Variants in AGBL4 observed in about 807,000 individuals in gnomAD.
AGBL4 encodes cytosolic carboxypeptidase 6.
A neutral mutation model predicts 66.4 loss-of-function variants in AGBL4; 58 were observed. The ratio of observed to expected loss-of-function variants is 0.87; its 90% CI spans 0.71 to 1.09. The LOEUF (loss-of-function observed/expected upper bound fraction) is 1.09. Among genes scored for constraint, AGBL4 ranks in the 50% least tolerant of loss-of-function variants. The probability of loss-of-function intolerance (pLI) is 0.00; values close to 1 mark genes in which losing one functional copy is unlikely to be tolerated. For missense variants in AGBL4, 579 were observed against 631.0 expected, an observed-to-expected ratio of 0.92 and a Z score of 0.88; for synonymous variants, 234 against 222.9, an observed-to-expected ratio of 1.05 and a Z score of -0.44.
chr1:48,677,697 AT>A (rs1465420347), intron 6 of AGBL4, among the ~76,000 whole-genome samples: 24 of 152,230 alleles, frequency 1.6e-4, no homozygotes, highest in African/African-American at 5.5e-4. Context: ...TGCCTCACTT[AT>A]CCAGAGCTTC....
At chr1:48,794,492 C>T (rs996479474) in intron 6 of AGBL4, among the ~76,000 whole-genome samples, 1 of 152,158 alleles carries the variant, frequency 6.6e-6, no homozygotes, top group South Asian at 2.1e-4. Flanking sequence ...CACTCACCTC[C>T]CATTCACTCC....
At chr1:49,737,129 T>C (rs952470504) in intron 2 of AGBL4, among the ~76,000 whole-genome samples, 6 of 152,150 alleles carry the variant, frequency 3.9e-5, no homozygotes, top group Non-Finnish European at 7.3e-5. Context: ...GTCTGGAGAT[T>C]TCTCAAAGAA....
intron 2 of AGBL4, among the ~76,000 whole-genome samples, chr1:49,728,054 GT>G (rs776408859): frequency 5.3e-4 from 81 of 152,050 alleles, no homozygotes; most frequent in Non-Finnish European, 9.7e-4. Context: ...AAACTTAAGG[GT>G]TTTATTAGCC....
chr1:49,815,568 T>C (rs77002144), intron 2 of AGBL4, among the ~76,000 whole-genome samples: 3,990 of 152,236 alleles, frequency 0.026, 72 homozygotes, highest in Non-Finnish European at 0.042. Context: ...GGTAGCTCTA[T>C]TTTCATTAAC....
chr1:48,934,727 C>G lies in AGBL4; in HGVS notation c.595-67497G>C, dbSNP rs190208302. The stretch of plus-strand genomic sequence containing the variant: ...CCCTACAACCAGTCTCCATAGAATC[C>G]TTCAGACCATTCCCCTCCTTTCTAT... On this transcript the variant is annotated intron_variant, in intron 5 of 13. Transcript: ENST00000371839. Among the ~76,000 whole-genome samples the G allele has an allele frequency of 5.2e-3, 794 of 152,274 alleles. 8 individuals are homozygous for G. Among genetic ancestry groups the G allele is most frequent in the Non-Finnish European group, 6.5e-3 (440 of 68,024 alleles).
At chr1:49,756,356 T>C (rs912329537) in intron 2 of AGBL4, among the ~76,000 whole-genome samples, 23 of 152,022 alleles carry the variant, frequency 1.5e-4, no homozygotes, top group East Asian at 7.7e-4. Context: ...GGGCTCCAGA[T>C]TGAAAATCAG....
intron 3 of AGBL4, among the ~76,000 whole-genome samples, chr1:49,615,692 A>C (rs2124263781): frequency 6.6e-6 from 1 of 152,266 alleles, no homozygotes; most frequent in African/African-American, 2.4e-5. Context: ...CACAATTCAA[A>C]AGGAAAGGGC....
chr1:48,740,779 A>G (rs1649796024), intron 6 of AGBL4, among the ~76,000 whole-genome samples: 1 of 152,180 alleles, frequency 6.6e-6, no homozygotes, highest in South Asian at 2.1e-4. Flanking sequence ...AAGACAGCAG[A>G]GCCAAGAACA....
chr1:49,750,685 G>A (rs188626553), intron 2 of AGBL4, among the ~76,000 whole-genome samples: 16 of 152,266 alleles, frequency 1.1e-4, no homozygotes, highest in African/African-American at 2.2e-4. Context: ...TGGGCAGTAC[G>A]GCCATTTTCA....
At chr1:49,521,144 T>C (rs573171643) in intron 3 of AGBL4, among the ~76,000 whole-genome samples, 3 of 152,184 alleles carry the variant, frequency 2.0e-5, no homozygotes, top group African/African-American at 7.2e-5. Context: ...AACGTACATT[T>C]ATACAGTACA....
rs546678427 is a variant in AGBL4 at position 49,145,581 on chromosome 1, T to C, written c.378-99781A>G. 2.6e-5 allele frequency among the ~76,000 whole-genome samples: 4 copies of C among 152,266 alleles called. No individual in the cohort carries two copies. In the South Asian group the frequency reaches 8.3e-4, roughly 32 times the overall value. ...AAGAAAGCAAAACACAGTTTGAGAA[T>C]TTGGTCTCAGGTAACAAAGCTATAG... On this transcript the variant is annotated intron_variant, in intron 4 of 13. Coordinates refer to ENST00000371839, the MANE Select transcript of AGBL4 (RefSeq NM_032785.4).
At chr1:48,843,019 A>G (rs1255079341) in intron 6 of AGBL4, among the ~76,000 whole-genome samples, 1 of 152,062 alleles carries the variant, frequency 6.6e-6, no homozygotes, top group Non-Finnish European at 1.5e-5. Context: ...GAGCTGGGGG[A>G]AGGGGAAAAA....
intron 5 of AGBL4, among the ~76,000 whole-genome samples, chr1:48,868,448 A>T (rs1648325651): frequency 6.6e-6 from 1 of 152,198 alleles, no homozygotes; most frequent in South Asian, 2.1e-4. Context: ...GGAGAGAAGG[A>T]CATGATATTT....
chr1:48,703,505 A>G (rs1646834558), intron 6 of AGBL4, among the ~76,000 whole-genome samples: 1 of 152,202 alleles, frequency 6.6e-6, no homozygotes, highest in Admixed American at 6.5e-5. Flanking sequence ...GGGATGGGGT[A>G]TAAAATAAAA....
intron 6 of AGBL4, among the ~76,000 whole-genome samples, chr1:48,711,545 G>A (rs1177396326): frequency 6.6e-6 from 1 of 152,176 alleles, no homozygotes; most frequent in Non-Finnish European, 1.5e-5. Flanking sequence ...CTAATTAACA[G>A]GCCCAAAGAG....
chr1:48,730,220 C>T (rs1647878956), intron 6 of AGBL4, among the ~76,000 whole-genome samples: 1 of 152,116 alleles, frequency 6.6e-6, no homozygotes, highest in Non-Finnish European at 1.5e-5. Context: ...CAGGCATTCC[C>T]TCTCTACCCC....
chr1:48,659,137 A>C lies in AGBL4; in HGVS notation c.724+4015T>G, dbSNP rs187968410. On this transcript the variant is annotated intron_variant, in intron 7 of 13. Coordinates refer to ENST00000371839, the MANE Select transcript of AGBL4 (RefSeq NM_032785.4). Reference sequence around the variant, plus strand: ...AGTGACCTGGTGGAATTCCTGTGGAAGAGTGAAGGTGAAGAGGGGATTGTG... The same window carrying C: ...AGTGACCTGGTGGAATTCCTGTGGACGAGTGAAGGTGAAGAGGGGATTGTG... Among the ~76,000 whole-genome samples, 212 of 152,270 alleles carry C rather than the reference A, an allele frequency of 1.4e-3. 3 individuals carry two copies. Among genetic ancestry groups the C allele is most frequent in the African/African-American group, 4.7e-3 (196 of 41,556 alleles).
chr1:49,359,876 G>A (rs921531179), intron 3 of AGBL4, among the ~76,000 whole-genome samples: 4 of 152,028 alleles, frequency 2.6e-5, no homozygotes, highest in South Asian at 2.1e-4. Flanking sequence ...GCCCAGAACC[G>A]GTATCCTGGG....
chr1:48,694,905 C>T (rs1424929347), intron 6 of AGBL4, among the ~76,000 whole-genome samples: 1 of 152,160 alleles, frequency 6.6e-6, no homozygotes, highest in South Asian at 2.1e-4. Flanking sequence ...CTCATCCCAC[C>T]ATTTTATAAT....
Sources: gnomAD v4.1 joint callset for allele counts (sites outside exome capture counted in the v4.1 genomes callset) on GRCh38, gnomAD v4.1.1 for gene constraint, MANE v1.5 for transcripts, NCBI Gene and HGNC (gene_info 2026-07-23, HGNC 2026-07-21) for gene names.